DACH2: variants seen among roughly 807,000 people sequenced by gnomAD.
DACH2 encodes dachshund homolog 2.
DACH2 carries 17 observed loss-of-function variants against 35.8 expected under a neutral mutation model. That is an observed-to-expected ratio of 0.48 (90% CI 0.33 to 0.71). DACH2 has a LOEUF of 0.71. Ranked by LOEUF, DACH2 falls within the 30% of genes least tolerant of loss-of-function variation. DACH2 has a pLI of 0.02. For synonymous variants in DACH2, 195 were observed against 177.3 expected (o/e 1.10, Z -0.79); for missense variants, 469 against 472.7 (o/e 0.99, Z 0.07).
intron 2 of DACH2, among the ~76,000 whole-genome samples, chrX:86,398,601 G>T (rs775101356): frequency 9.0e-6 from 1 of 111,545 alleles, no homozygotes; most frequent in Non-Finnish European, 1.9e-5. Flanking sequence ...CTTTGTTCTC[G>T]TTAGTTTCAA....
At chrX:86,629,129 T>TTGC (rs1315781923) in intron 3 of DACH2, among the ~76,000 whole-genome samples, 1 of 111,923 alleles carries the variant, frequency 8.9e-6, no homozygotes, top group Admixed American at 9.5e-5. Flanking sequence ...GGACTATGTG[T>TTGC]TGCTGCTAGT....
chrX:86,664,195 T>C (rs1028617889), intron 4 of DACH2, among the ~76,000 whole-genome samples: 5 of 111,920 alleles, frequency 4.5e-5, no homozygotes, highest in African/African-American at 1.6e-4. Context: ...CATAAAACAC[T>C]GAGCAAAGAA....
At position 86,757,050 on chromosome X, in the gene DACH2, G is replaced by A. The variant is rs757783648; in HGVS notation, c.1240+17168G>A. ...ACTGATTTGTGTATGTTGAACTATC[G>A]TTACATACCTGCAATAAATCTGACT... is the stretch of plus-strand genomic sequence containing the variant. On this transcript the variant is annotated intron_variant, in intron 7 of 11. Coordinates refer to ENST00000373125, the MANE Select transcript of DACH2 (RefSeq NM_053281.3). Among the ~76,000 whole-genome samples, 36 of 111,314 alleles carry A rather than the reference G, an allele frequency of 3.2e-4. No homozygotes were observed. In the South Asian group the frequency reaches 0.011, roughly 32 times the overall value.
intron 1 of DACH2, among the ~76,000 whole-genome samples, chrX:86,282,450 A>G (rs1361254460): frequency 8.9e-6 from 1 of 111,860 alleles, no homozygotes; most frequent in African/African-American, 3.3e-5. Context: ...GGCTAGCCAT[A>G]TACAGAAAAA....
intron 4 of DACH2, among the ~76,000 whole-genome samples, chrX:86,683,158 T>C (rs1296053194): frequency 8.9e-6 from 1 of 111,864 alleles, no homozygotes. Flanking sequence ...TGTTTTATCT[T>C]GTATTCAGTT....
intron 2 of DACH2, among the ~76,000 whole-genome samples, chrX:86,435,139 C>T (rs769832699): frequency 2.7e-5 from 3 of 111,399 alleles, no homozygotes; most frequent in East Asian, 2.8e-4. Flanking sequence ...ATTCAAACAA[C>T]GTCACAGAAT....
chrX:86,369,380 T>A (rs1449048427), intron 1 of DACH2, among the ~76,000 whole-genome samples: 2 of 111,028 alleles, frequency 1.8e-5, no homozygotes, highest in Non-Finnish European at 3.8e-5. Flanking sequence ...AGGGATTAAG[T>A]CAGGAGATGA....
intron 1 of DACH2, among the ~76,000 whole-genome samples, chrX:86,307,426 G>A (rs2034711068): frequency 8.9e-6 from 1 of 111,784 alleles, no homozygotes; most frequent in Admixed American, 9.5e-5. Context: ...CTTGGAATGG[G>A]GATGTGTGAG....
intron 2 of DACH2, among the ~76,000 whole-genome samples, chrX:86,452,892 C>T (rs1465506836): frequency 9.0e-6 from 1 of 110,936 alleles, no homozygotes; most frequent in Non-Finnish European, 1.9e-5. Flanking sequence ...TTCTCTAGTT[C>T]TTTTAGTTGT....
rs370152254 is a variant in DACH2, at chrX:86,360,739, T to C, written c.489-16085T>C. Among the ~76,000 whole-genome samples, 35 of 111,472 alleles carry C rather than the reference T, an allele frequency of 3.1e-4. No homozygotes were observed. The East Asian group carries it at 3.7e-3, about 12-fold the overall frequency. ...GTAAAAAATTTTCGTAAAACAAAAT[T>C]AAATGGTTTCCCAGACAAACATTTT... On this transcript the variant is annotated intron_variant, in intron 1 of 11. Coordinates refer to ENST00000373125, the MANE Select transcript of DACH2 (RefSeq NM_053281.3).
chrX:86,722,808 T>C (rs1346923241), intron 6 of DACH2, among the ~76,000 whole-genome samples: 1 of 111,580 alleles, frequency 9.0e-6, no homozygotes, highest in Non-Finnish European at 1.9e-5. Flanking sequence ...TTTCCTTTTA[T>C]TGTTGTGTTG....
intron 2 of DACH2, among the ~76,000 whole-genome samples, chrX:86,487,763 G>A (rs2038039005): frequency 8.9e-6 from 1 of 111,780 alleles, no homozygotes; most frequent in Non-Finnish European, 1.9e-5. Flanking sequence ...CTTGCCAACA[G>A]CATATAAATT....
chrX:86,654,199 A>AC (rs1556357902), intron 4 of DACH2, among the ~76,000 whole-genome samples: 4 of 106,397 alleles, frequency 3.8e-5, no homozygotes, highest in African/African-American at 6.8e-5. Context: ...AAAAAAAAAA[A>AC]AAAAAAAAAA....
At chrX:86,529,799 T>A (rs1455135404) in intron 3 of DACH2, among the ~76,000 whole-genome samples, 1 of 111,199 alleles carries the variant, frequency 9.0e-6, no homozygotes, top group Non-Finnish European at 1.9e-5. Flanking sequence ...CTCCCTCATA[T>A]GAGTGAGAAC....
intron 2 of DACH2, among the ~76,000 whole-genome samples, chrX:86,454,493 A>T (rs961146914): frequency 4.1e-4 from 46 of 111,826 alleles, no homozygotes; most frequent in African/African-American, 1.4e-3. Context: ...TTTATTTCGT[A>T]TTCTTGTCTG....
intron 7 of DACH2, among the ~76,000 whole-genome samples, chrX:86,767,726 G>A (rs1004568119): frequency 8.9e-6 from 1 of 111,766 alleles, no homozygotes; most frequent in Non-Finnish European, 1.9e-5. Flanking sequence ...TGCTTCATTG[G>A]TGAATTCCAT....
intron 3 of DACH2, among the ~76,000 whole-genome samples, chrX:86,622,550 T>G (rs2040080295): frequency 1.8e-5 from 2 of 111,377 alleles, no homozygotes; most frequent in African/African-American, 6.5e-5. Context: ...AGCTATTAAC[T>G]GAAAAAAAAT....
chrX:86,291,537 T>G (rs1259925523), intron 1 of DACH2, among the ~76,000 whole-genome samples: 1 of 107,870 alleles, frequency 9.3e-6, no homozygotes, highest in Non-Finnish European at 1.9e-5. Flanking sequence ...TTTTTGCCCA[T>G]TCAGTATGAT....
chrX:86,629,052 T>G (rs932219796), intron 3 of DACH2, among the ~76,000 whole-genome samples: 1 of 112,152 alleles, frequency 8.9e-6, no homozygotes, highest in African/African-American at 3.2e-5. Flanking sequence ...GAGAGAAATT[T>G]ATTGTACTGT....
Sources: gnomAD v4.1 joint callset for allele counts (sites outside exome capture counted in the v4.1 genomes callset) on GRCh38, gnomAD v4.1.1 for gene constraint, MANE v1.5 for transcripts, NCBI Gene and HGNC (gene_info 2026-07-23, HGNC 2026-07-21) for gene names.